Variants in ARID3B observed in about 807,000 individuals in gnomAD.
ARID3B encodes the protein AT-rich interactive domain-containing protein 3B.
ARID3B carries 10 observed loss-of-function variants against 51.9 expected under a neutral mutation model. The ratio of observed to expected loss-of-function variants is 0.19; its 90% CI spans 0.12 to 0.33. The LOEUF (loss-of-function observed/expected upper bound fraction) is 0.33, where lower values mean the gene tolerates loss of function less well. Ranked by LOEUF, ARID3B falls within the 10% of genes least tolerant of loss-of-function variation. ARID3B has a pLI of 1.00. For synonymous variants in ARID3B, 205 were observed against 279.5 expected, an observed-to-expected ratio of 0.73 and a Z score of 2.66; for missense variants, 483 against 716.3, an observed-to-expected ratio of 0.67 and a Z score of 3.72.
intron 2 of ARID3B, among the ~76,000 whole-genome samples, chr15:74,566,760 TATA>T (rs1415717209): frequency 6.6e-6 from 1 of 152,144 alleles, no homozygotes; most frequent in Non-Finnish European, 1.5e-5. Context: ...TAGAAAATAA[TATA>T]ATTTTTAAAA....
intron 2 of ARID3B, among the ~76,000 whole-genome samples, chr15:74,563,440 A>G (rs765210295): frequency 7.9e-5 from 12 of 152,228 alleles, no homozygotes; most frequent in Non-Finnish European, 1.3e-4. Flanking sequence ...AACTTATGAT[A>G]GTAATTTTTA....
intron 2 of ARID3B, among the ~76,000 whole-genome samples, chr15:74,561,157 T>A (rs1182517972): frequency 1.3e-5 from 2 of 152,198 alleles, no homozygotes; most frequent in Non-Finnish European, 2.9e-5. Flanking sequence ...ATAGCTAAAT[T>A]TATTGATTTT....
Position 74,589,311 on chromosome 15 carries a change from G to A in ARID3B, c.698-509G>A, listed in dbSNP as rs574576562. Among the ~76,000 whole-genome samples, 4 of 152,056 alleles carry A rather than the reference G, an allele frequency of 2.6e-5. No individual in the cohort carries two copies. In the East Asian group the frequency reaches 7.8e-4, roughly 30 times the overall value. ...CCCAAAGTGCTAGGATTACAGGCGTGAGCCACCGCACCCAGCCAGCGAGCA... is the reference window on the plus strand; with the variant it reads ...CCCAAAGTGCTAGGATTACAGGCGTAAGCCACCGCACCCAGCCAGCGAGCA... On this transcript the variant is annotated intron_variant, in intron 4 of 8. Transcript: ENST00000346246.
chr15:74,594,457 A>G (rs1707594843), intron 8 of ARID3B, among the ~76,000 whole-genome samples: 2 of 152,320 alleles, frequency 1.3e-5, no homozygotes, highest in South Asian at 4.1e-4. Flanking sequence ...CAAAAAAAAA[A>G]AGCACAGTAT....
intron 1 of ARID3B, among the ~76,000 whole-genome samples, chr15:74,543,587 G>GAT (rs1459916497): frequency 1.3e-5 from 2 of 152,106 alleles, no homozygotes; most frequent in Admixed American, 1.3e-4. Context: ...TAGCAGACTA[G>GAT]ATATTGGCTG....
intron 2 of ARID3B, among the ~76,000 whole-genome samples, chr15:74,569,305 C>G (rs865988664): frequency 1.3e-5 from 2 of 152,166 alleles, no homozygotes; most frequent in African/African-American, 2.4e-5. Flanking sequence ...GAGCCCATCT[C>G]TGTCTTTTAG....
In ARID3B at chr15:74,591,017, A is replaced by G; in HGVS notation, c.882-134A>G. 1 of 1,380,126 alleles carries G rather than the reference A, an allele frequency of 7.2e-7. No homozygotes were observed. Among genetic ancestry groups the G allele is most frequent in the Non-Finnish European group, 9.8e-7 (1 of 1,023,970 alleles). 85.5% of individuals were successfully genotyped at this position (1,380,126 alleles called of 1,614,324 possible). On this transcript the variant is annotated intron_variant, in intron 5 of 8. Coordinates refer to ENST00000346246, the MANE Select transcript of ARID3B (RefSeq NM_006465.4). The surrounding 1 kb of genome is among the most constrained non-coding windows in gnomAD (Gnocchi z 5.8). ...CCGGCCATCCCAGACTTTTCTGCCA[A>G]GTATACCAAGGTTGCAATCCTTTGC...
intron 4 of ARID3B, among the ~76,000 whole-genome samples, chr15:74,585,014 T>C (rs1191462792): frequency 1.3e-5 from 2 of 152,184 alleles, no homozygotes; most frequent in African/African-American, 4.8e-5. Flanking sequence ...TGGCACTTCT[T>C]GGGGTGCAGA....
At chr15:74,585,314 A>C (rs2061776618) in intron 4 of ARID3B, among the ~76,000 whole-genome samples, 1 of 152,228 alleles carries the variant, frequency 6.6e-6, no homozygotes, top group Non-Finnish European at 1.5e-5. Context: ...TTAGAGGAAG[A>C]TAGAATACAG....
intron 8 of ARID3B, among the ~76,000 whole-genome samples, chr15:74,594,690 G>GCATGC (rs1268469921): frequency 6.6e-6 from 1 of 152,270 alleles, no homozygotes; most frequent in East Asian, 1.9e-4. Flanking sequence ...CCTCCTGGGA[G>GCATGC]CATGCTCTGG....
At position 74,587,625 on chromosome 15, in the gene ARID3B, C is replaced by T. The variant is rs2061786146; in HGVS notation, c.698-2195C>T. 2.0e-5 allele frequency among the ~76,000 whole-genome samples: 3 copies of T among 152,134 alleles called. No individual in the cohort carries two copies. In the South Asian group the frequency reaches 6.2e-4, roughly 32 times the overall value. On this transcript the variant is annotated intron_variant, in intron 4 of 8. Coordinates refer to ENST00000346246, the MANE Select transcript of ARID3B (RefSeq NM_006465.4). Reference sequence around the variant, plus strand: ...ACCTGGGGAGTGGTCCTCTCAGACACTCCAGGTAATGCCTTGGAAGGTGTG... The same window carrying T: ...ACCTGGGGAGTGGTCCTCTCAGACATTCCAGGTAATGCCTTGGAAGGTGTG...
intron 2 of ARID3B, among the ~76,000 whole-genome samples, chr15:74,561,639 G>T (rs2061679801): frequency 6.6e-6 from 1 of 152,148 alleles, no homozygotes; most frequent in Non-Finnish European, 1.5e-5. Context: ...TTTTGCTTTG[G>T]TTTTCTCATC....
intron 2 of ARID3B, among the ~76,000 whole-genome samples, chr15:74,554,033 G>A (rs951526633): frequency 2.6e-5 from 4 of 151,686 alleles, no homozygotes; most frequent in African/African-American, 4.8e-5. Context: ...TTGAGACAGA[G>A]TCTCGCTCTG....
intron 2 of ARID3B, among the ~76,000 whole-genome samples, chr15:74,549,828 ACT>A (rs2061629737): frequency 1.3e-5 from 2 of 152,124 alleles, no homozygotes. Flanking sequence ...GATTGCCATG[ACT>A]GGAGTAGGGG....
chr15:74,594,683 C>T (rs1401370041), intron 8 of ARID3B, among the ~76,000 whole-genome samples: 2 of 152,258 alleles, frequency 1.3e-5, no homozygotes, highest in Non-Finnish European at 2.9e-5. Flanking sequence ...CTGCAGGCCT[C>T]CTGGGAGCAT....
At chr15:74,543,727 A>G (rs1237006082) in intron 1 of ARID3B, 133 bp from the exon 2 acceptor site, 1 of 548,262 alleles carries the variant, frequency 1.8e-6, no homozygotes, top group East Asian at 3.0e-5. Context: ...TCATCTTAAA[A>G]CTCAGGTTTA....
At chr15:74,556,072 T>A (rs568150598) in intron 2 of ARID3B, among the ~76,000 whole-genome samples, 1 of 152,072 alleles carries the variant, frequency 6.6e-6, no homozygotes, top group Admixed American at 6.6e-5. Flanking sequence ...GATTACAGGC[T>A]TGAGCCACCG....
chr15:74,561,102 C>T (rs2061678310), intron 2 of ARID3B, among the ~76,000 whole-genome samples: 1 of 152,154 alleles, frequency 6.6e-6, no homozygotes, highest in South Asian at 2.1e-4. Context: ...TGTCTTTCAA[C>T]TTGATGTGTG....
intron 4 of ARID3B, among the ~76,000 whole-genome samples, chr15:74,583,388 A>G (rs1275571552): frequency 6.6e-6 from 1 of 152,096 alleles, no homozygotes; most frequent in Non-Finnish European, 1.5e-5. Context: ...TTGATTGGAA[A>G]GAGGCATGAG....
Sources: allele counts gnomAD v4.1 joint callset (sites outside exome capture counted in the v4.1 genomes callset), GRCh38; gene constraint gnomAD v4.1.1; non-coding constraint Gnocchi (gnomAD v3.1); transcripts MANE v1.5; gene names NCBI Gene and HGNC (gene_info 2026-07-23, HGNC 2026-07-21).